SYNDIG1: variants seen among roughly 807,000 people sequenced by gnomAD.
The protein encoded by SYNDIG1 is synapse differentiation inducing 1.
Under a neutral mutation model 19.4 loss-of-function variants are expected in SYNDIG1, and 9 were observed. That is an observed-to-expected ratio of 0.46 (90% CI 0.28 to 0.81). The LOEUF is 0.81. SYNDIG1 is among the 30% of genes least tolerant of loss of function. SYNDIG1 has a pLI of 0.12. For missense variants in SYNDIG1, 311 were observed against 343.3 expected, an observed-to-expected ratio of 0.91 and a Z score of 0.74; for synonymous variants, 141 against 145.9, an observed-to-expected ratio of 0.97 and a Z score of 0.24.
At chr20:24,532,225 A>T (rs2057274375) in intron 1 of SYNDIG1, among the ~76,000 whole-genome samples, 1 of 152,240 alleles carries the variant, frequency 6.6e-6, no homozygotes, top group South Asian at 2.1e-4. Flanking sequence ...GCTAAAGGAT[A>T]GCAACCACCA....
intron 2 of SYNDIG1, among the ~76,000 whole-genome samples, chr20:24,547,165 G>A (rs867677644): frequency 2.0e-5 from 3 of 152,112 alleles, no homozygotes; most frequent in Admixed American, 6.5e-5. Context: ...AGGGCCCCTC[G>A]TTTCCCTGGT....
At chr20:24,536,897 C>T (rs1478092822) in intron 1 of SYNDIG1, among the ~76,000 whole-genome samples, 2 of 152,200 alleles carry the variant, frequency 1.3e-5, no homozygotes, top group African/African-American at 4.8e-5. Flanking sequence ...CCAAAGTTTC[C>T]TGGAGGGCAT....
intron 1 of SYNDIG1, among the ~76,000 whole-genome samples, chr20:24,485,370 G>A (rs950719194): frequency 1.3e-5 from 2 of 152,134 alleles, no homozygotes; most frequent in Admixed American, 6.5e-5. Flanking sequence ...CACCAATTTT[G>A]TTCATTAGAT....
intron 3 of SYNDIG1, among the ~76,000 whole-genome samples, chr20:24,637,181 A>G (rs569524090): frequency 1.3e-5 from 2 of 152,326 alleles, no homozygotes; most frequent in East Asian, 1.9e-4. Context: ...TACAGCTCCT[A>G]CAGAATCCCA....
chr20:24,472,784 T>C lies in SYNDIG1; in HGVS notation c.-79+3031T>C, dbSNP rs1023891209. On this transcript the variant is annotated intron_variant, in intron 1 of 3. Transcript: ENST00000376862. Reference sequence around the variant, plus strand: ...CCAGCCCCCTCCCATTCTGCACACCTCTGTGCTTTCCTGTATATAAAAGCA... The same window carrying C: ...CCAGCCCCCTCCCATTCTGCACACCCCTGTGCTTTCCTGTATATAAAAGCA... 2.0e-5 allele frequency among the ~76,000 whole-genome samples: 3 copies of C among 152,208 alleles called. No individual in the cohort carries two copies. In the South Asian group the frequency reaches 6.2e-4, roughly 32 times the overall value.
At chr20:24,656,990 G>A (rs1019140963) in intron 3 of SYNDIG1, among the ~76,000 whole-genome samples, 3 of 152,138 alleles carry the variant, frequency 2.0e-5, no homozygotes, top group Non-Finnish European at 4.4e-5. Flanking sequence ...CCTATCCCTT[G>A]TTCTCACACC....
chr20:24,630,686 TG>T (rs2059226659), intron 3 of SYNDIG1, among the ~76,000 whole-genome samples: 2 of 152,346 alleles, frequency 1.3e-5, no homozygotes, highest in South Asian at 4.1e-4. Context: ...TCCTGGGTCC[TG>T]GGAGCCTCAT....
intron 3 of SYNDIG1, among the ~76,000 whole-genome samples, chr20:24,655,847 A>G (rs1394994784): frequency 1.3e-5 from 2 of 152,142 alleles, no homozygotes; most frequent in Non-Finnish European, 2.9e-5. Flanking sequence ...GAAACTATTC[A>G]GATGCTTTTC....
intron 2 of SYNDIG1, among the ~76,000 whole-genome samples, chr20:24,550,957 G>T (rs915480952): frequency 6.6e-6 from 1 of 152,154 alleles, no homozygotes; most frequent in Non-Finnish European, 1.5e-5. Context: ...GAGGGATGTT[G>T]ATCTGCAGTT....
At chr20:24,533,260 A>G (rs1241664414) in intron 1 of SYNDIG1, among the ~76,000 whole-genome samples, 1 of 152,066 alleles carries the variant, frequency 6.6e-6, no homozygotes, top group Non-Finnish European at 1.5e-5. Context: ...ACGTAGGCAC[A>G]TTACCTTCCT....
chr20:24,644,708 G>A (rs2048761959), intron 3 of SYNDIG1, among the ~76,000 whole-genome samples: 1 of 152,210 alleles, frequency 6.6e-6, no homozygotes, highest in Admixed American at 6.5e-5. Flanking sequence ...CCAGCTATCT[G>A]AGAGAAGTTA....
intron 2 of SYNDIG1, among the ~76,000 whole-genome samples, chr20:24,557,932 C>T (rs893266061): frequency 5.3e-5 from 8 of 152,216 alleles, no homozygotes; most frequent in East Asian, 1.9e-4. Context: ...TTGGCTGCCT[C>T]GCCGGAAGAG....
chr20:24,655,282 G>A (rs934581068), intron 3 of SYNDIG1, among the ~76,000 whole-genome samples: 1 of 152,140 alleles, frequency 6.6e-6, no homozygotes, highest in African/African-American at 2.4e-5. Flanking sequence ...AGCAACTGAA[G>A]CCAGAAGAAA....
chr20:24,508,261 C>G (rs1353949174), intron 1 of SYNDIG1, among the ~76,000 whole-genome samples: 8 of 109,854 alleles, frequency 7.3e-5, no homozygotes, highest in African/African-American at 2.5e-4. Flanking sequence ...CAGAGTCTCA[C>G]TCTGTAGCCC....
chr20:24,578,725 TG>T (rs2058273410), intron 2 of SYNDIG1, among the ~76,000 whole-genome samples: 1 of 152,128 alleles, frequency 6.6e-6, no homozygotes, highest in Admixed American at 6.5e-5. Flanking sequence ...CACACGCATG[TG>T]GGAGGAGCAG....
intron 3 of SYNDIG1, among the ~76,000 whole-genome samples, chr20:24,616,945 C>T (rs527297023): frequency 2.6e-5 from 4 of 152,144 alleles, no homozygotes; most frequent in Non-Finnish European, 4.4e-5. Flanking sequence ...AGCAGAGCCC[C>T]GGTGGCTGCT....
chr20:24,552,056 G>T (rs1338029776), intron 2 of SYNDIG1, among the ~76,000 whole-genome samples: 1 of 152,178 alleles, frequency 6.6e-6, no homozygotes, highest in Non-Finnish European at 1.5e-5. Context: ...ATTAGGAGTG[G>T]AGTATCAGAA....
chr20:24,522,095 G>A (rs1379840973), intron 1 of SYNDIG1, among the ~76,000 whole-genome samples: 2 of 151,810 alleles, frequency 1.3e-5, no homozygotes, highest in African/African-American at 4.8e-5. Context: ...TCTTTTTAGA[G>A]ATGGAGTCTT....
At chr20:24,626,036 G>T (rs1480341592) in intron 3 of SYNDIG1, among the ~76,000 whole-genome samples, 3 of 148,172 alleles carry the variant, frequency 2.0e-5, no homozygotes, top group South Asian at 2.1e-4. Context: ...CTGGCCAGGT[G>T]GGGGGCTGAC....
Sources: allele counts gnomAD v4.1 joint callset (sites outside exome capture counted in the v4.1 genomes callset), GRCh38; gene constraint gnomAD v4.1.1; transcripts MANE v1.5; gene names NCBI Gene and HGNC (gene_info 2026-07-23, HGNC 2026-07-21).